The following CCSER1 variants were observed in gnomAD, a reference collection of about 807,000 sequenced individuals.
CCSER1 encodes serine-rich coiled-coil domain-containing protein 1.
In CCSER1, 41 loss-of-function variants were observed where a neutral mutation model predicts 82.0. The ratio of observed to expected loss-of-function variants is 0.50; its 90% CI spans 0.39 to 0.65. The LOEUF is 0.65. CCSER1 is among the 30% of genes least tolerant of loss of function. The pLI is 0.00. For missense variants in CCSER1, 1,119 were observed against 1,064.2 expected (o/e 1.05, Z -0.72); for synonymous variants, 414 against 383.9 (o/e 1.08, Z -0.92).
chr4:90,473,657 T>C (rs1764690512), intron 5 of CCSER1, among the ~76,000 whole-genome samples: 1 of 152,168 alleles, frequency 6.6e-6, no homozygotes, highest in Non-Finnish European at 1.5e-5. Context: ...TCAGCTCTGT[T>C]TGTTTATTTA....
chr4:90,494,307 A>G (rs1185185326), intron 5 of CCSER1, among the ~76,000 whole-genome samples: 1 of 152,160 alleles, frequency 6.6e-6, no homozygotes, highest in Non-Finnish European at 1.5e-5. Context: ...CTCCCACACA[A>G]TAATAATGGG....
At chr4:91,368,317 G>C (rs1219550428) in intron 10 of CCSER1, among the ~76,000 whole-genome samples, 2 of 151,920 alleles carry the variant, frequency 1.3e-5, no homozygotes, top group Non-Finnish European at 2.9e-5. Context: ...GGTCTATTCT[G>C]TGATTTTTTG....
intron 9 of CCSER1, among the ~76,000 whole-genome samples, chr4:90,926,607 G>T (rs1404778518): frequency 1.3e-5 from 2 of 152,078 alleles, no homozygotes; most frequent in East Asian, 3.9e-4. Flanking sequence ...CAGGAGACAT[G>T]AAACTAATGT....
At chr4:90,394,125 T>C (rs893100356) in intron 3 of CCSER1, among the ~76,000 whole-genome samples, 3 of 151,376 alleles carry the variant, frequency 2.0e-5, no homozygotes, top group Non-Finnish European at 4.4e-5. Context: ...ATTCTGTAGC[T>C]TCAGAAATTC....
intron 3 of CCSER1, among the ~76,000 whole-genome samples, chr4:90,345,804 T>C (rs1742216844): frequency 1.3e-5 from 2 of 152,110 alleles, no homozygotes; most frequent in Admixed American, 6.5e-5. Flanking sequence ...TAAACCATAT[T>C]TTAGAGTAAT....
intron 1 of CCSER1, among the ~76,000 whole-genome samples, chr4:90,200,962 A>T (rs1179006608): frequency 1.3e-5 from 2 of 152,110 alleles, no homozygotes; most frequent in Non-Finnish European, 2.9e-5. Context: ...TTTATTTAAC[A>T]TTTATGGTAT....
intron 8 of CCSER1, among the ~76,000 whole-genome samples, chr4:90,820,556 C>T (rs1759602035): frequency 1.3e-5 from 2 of 152,108 alleles, no homozygotes; most frequent in South Asian, 4.1e-4. Flanking sequence ...TGGAAGCCTT[C>T]ACGAGCTAAA....
intron 6 of CCSER1, among the ~76,000 whole-genome samples, chr4:90,669,585 G>A (rs1244291890): frequency 6.6e-6 from 1 of 152,000 alleles, no homozygotes; most frequent in Non-Finnish European, 1.5e-5. Flanking sequence ...TTATAACTTG[G>A]TAGAGGAAGG....
chr4:90,160,520 T>C (rs961922464), intron 1 of CCSER1, among the ~76,000 whole-genome samples: 1 of 152,180 alleles, frequency 6.6e-6, no homozygotes, highest in Non-Finnish European at 1.5e-5. Context: ...CTAAATTCTC[T>C]GGTGTTACAA....
At chr4:90,204,817 A>G (rs1738474450) in intron 1 of CCSER1, among the ~76,000 whole-genome samples, 1 of 152,176 alleles carries the variant, frequency 6.6e-6, no homozygotes, top group Non-Finnish European at 1.5e-5. Flanking sequence ...GATTCTTCCT[A>G]TCCATGAGCA....
chr4:90,710,602 C>G (rs562694900), intron 6 of CCSER1, among the ~76,000 whole-genome samples: 1 of 152,180 alleles, frequency 6.6e-6, no homozygotes, highest in South Asian at 2.1e-4. Context: ...TTCCCCATTA[C>G]TTGTTTTTGT....
intron 10 of CCSER1, among the ~76,000 whole-genome samples, chr4:91,357,876 G>GC (rs71596562): frequency 0.037 from 2,236 of 59,958 alleles, 156 homozygotes; most frequent in Non-Finnish European, 0.065. Flanking sequence ...AATTCTGCCT[G>GC]CCCCCCCCCC....
At chr4:90,340,459 A>G (rs1196479286) in intron 3 of CCSER1, among the ~76,000 whole-genome samples, 2 of 152,290 alleles carry the variant, frequency 1.3e-5, no homozygotes, top group East Asian at 3.9e-4. Flanking sequence ...TTTCTGTCAA[A>G]TTGAATTTCA....
chr4:91,420,727 T>C (rs887423916), intron 10 of CCSER1, among the ~76,000 whole-genome samples: 5 of 152,132 alleles, frequency 3.3e-5, no homozygotes, highest in Admixed American at 1.3e-4. Context: ...TTCAAAGATA[T>C]ATCTTCATCA....
rs1355910876 is a variant in CCSER1 at position 90,826,017 on chromosome 4, GAATA to G, written c.2094+10173_2094+10176del. On this transcript the variant is annotated intron_variant, in intron 8 of 10. Transcript: ENST00000509176. ...ACAATTGTTTTTTATAAGGTACTTT[GAATA>G]GGAACAAGGAAACAAGCTAATACAA... Among the ~76,000 whole-genome samples, 5 of 152,148 alleles carry G rather than the reference GAATA, an allele frequency of 3.3e-5. No homozygotes were observed. The South Asian group carries it at 1.0e-3, about 32-fold the overall frequency.
At chr4:90,156,522 G>T (rs1200409686) in intron 1 of CCSER1, among the ~76,000 whole-genome samples, 1 of 152,272 alleles carries the variant, frequency 6.6e-6, no homozygotes, top group African/African-American at 2.4e-5. Flanking sequence ...CTCTTTGTAG[G>T]TCACTGAGGA....
chr4:91,355,659 C>G (rs941619189), intron 10 of CCSER1, among the ~76,000 whole-genome samples: 1 of 152,012 alleles, frequency 6.6e-6, no homozygotes, highest in East Asian at 1.9e-4. Flanking sequence ...AAAATGAGTC[C>G]CACAATGAGT....
At chr4:90,587,283 T>A (rs1782130558) in intron 5 of CCSER1, among the ~76,000 whole-genome samples, 1 of 152,200 alleles carries the variant, frequency 6.6e-6, no homozygotes, top group African/African-American at 2.4e-5. Flanking sequence ...AACCACTAAA[T>A]TTGTAGAACT....
chr4:90,511,818 G>C (rs949262493), intron 5 of CCSER1, among the ~76,000 whole-genome samples: 2 of 152,074 alleles, frequency 1.3e-5, no homozygotes, highest in East Asian at 3.9e-4. Flanking sequence ...ATAAGGGGAG[G>C]TAATCTAGTT....
Sources: gnomAD v4.1 joint callset for allele counts (sites outside exome capture counted in the v4.1 genomes callset) on GRCh38, gnomAD v4.1.1 for gene constraint, MANE v1.5 for transcripts, NCBI Gene and HGNC (gene_info 2026-07-23, HGNC 2026-07-21) for gene names.